DLC1: variants seen among roughly 807,000 people sequenced by gnomAD.
The protein encoded by DLC1 is rho GTPase-activating protein 7.
A neutral mutation model predicts 140.3 loss-of-function variants in DLC1; 54 were observed. That is an observed-to-expected ratio of 0.38 (90% CI 0.31 to 0.48). DLC1 has a LOEUF of 0.48. DLC1 is among the 20% of genes least tolerant of loss of function. The pLI, the probability that DLC1 is intolerant of heterozygous loss-of-function variation, is 0.96. For synonymous variants in DLC1, 986 were observed against 728.1 expected (o/e 1.35, Z -5.70); for missense variants, 2,536 against 1,907.0 (o/e 1.33, Z -6.14).
chr8:13,355,240 C>T (rs983336185), intron 4 of DLC1, among the ~76,000 whole-genome samples: 1 of 152,068 alleles, frequency 6.6e-6, no homozygotes, highest in Non-Finnish European at 1.5e-5. Flanking sequence ...AATCCCAACA[C>T]CTAGGGGGGC....
At chr8:13,148,775 T>C (rs995564459) in intron 5 of DLC1, among the ~76,000 whole-genome samples, 3 of 152,104 alleles carry the variant, frequency 2.0e-5, no homozygotes, top group Non-Finnish European at 4.4e-5. Flanking sequence ...AGCTGGCCAG[T>C]AATGAGGTGA....
At chr8:13,145,460 GA>G (rs972908975) in intron 5 of DLC1, among the ~76,000 whole-genome samples, 51 of 152,232 alleles carry the variant, frequency 3.4e-4, no homozygotes, top group African/African-American at 1.2e-3. Context: ...AACTTCTTAA[GA>G]AAAATTTTAC....
intron 1 of DLC1, among the ~76,000 whole-genome samples, chr8:13,538,820 GC>G (rs1459511278): frequency 1.3e-5 from 2 of 152,180 alleles, no homozygotes; most frequent in African/African-American, 4.8e-5. Context: ...CTGTATGTGA[GC>G]AAAATATTGC....
intron 5 of DLC1, among the ~76,000 whole-genome samples, chr8:13,145,229 A>G (rs1004900854): frequency 3.9e-5 from 6 of 152,160 alleles, no homozygotes; most frequent in African/African-American, 1.4e-4. Flanking sequence ...TTAGCAAAGA[A>G]GAAAGTCTAA....
intron 5 of DLC1, among the ~76,000 whole-genome samples, chr8:13,207,272 C>T (rs1177315961): frequency 6.6e-6 from 1 of 152,080 alleles, no homozygotes; most frequent in Non-Finnish European, 1.5e-5. Flanking sequence ...TTCAAGACAT[C>T]AAGGCATATA....
chr8:13,598,538 A>G (rs926618793), intron 1 of DLC1, among the ~76,000 whole-genome samples: 1 of 152,066 alleles, frequency 6.6e-6, no homozygotes, highest in African/African-American at 2.4e-5. Context: ...GTAATCTATT[A>G]CTCTTATGAT....
chr8:13,091,068 A>G (rs1198767928), intron 14 of DLC1, among the ~76,000 whole-genome samples: 1 of 152,124 alleles, frequency 6.6e-6, no homozygotes, highest in Non-Finnish European at 1.5e-5. Context: ...TCAGCCTCCC[A>G]AAGTGTTAGA....
intron 1 of DLC1, among the ~76,000 whole-genome samples, chr8:13,553,796 A>C (rs1803947955): frequency 6.6e-6 from 1 of 152,166 alleles, no homozygotes; most frequent in Non-Finnish European, 1.5e-5. Flanking sequence ...ATTCTTGTCA[A>C]GGTCACCCAA....
Position 13,378,179 on chromosome 8 carries a change from G to C in DLC1, c.1314+15374C>G, listed in dbSNP as rs137994600. On this transcript the variant is annotated intron_variant, in intron 4 of 17. Coordinates refer to ENST00000276297, the MANE Select transcript of DLC1 (RefSeq NM_182643.3). The stretch of plus-strand genomic sequence containing the variant: ...TGTGCCATGCATATGTAACAAACCT[G>C]CACATTGTGCACATGTACCCTAAAA... 8.0e-3 allele frequency among the ~76,000 whole-genome samples: 1,120 copies of C among 140,792 alleles called. 11 individuals carry two copies. The highest frequency in any genetic ancestry group is 0.012 in the Non-Finnish European group (750 of 64,076). 92.4% of individuals were successfully genotyped at this position (140,792 alleles called of 152,430 possible). A position where few individuals can be genotyped will look rare whatever the true frequency, so the allele number is the denominator to read the frequency against.
chr8:13,561,289 C>G (rs1469686438), intron 1 of DLC1, among the ~76,000 whole-genome samples: 1 of 151,918 alleles, frequency 6.6e-6, no homozygotes, highest in Non-Finnish European at 1.5e-5. Flanking sequence ...GCAACTACAG[C>G]CATGCAACTA....
At chr8:13,266,571 C>A (rs2117357832) in intron 5 of DLC1, among the ~76,000 whole-genome samples, 1 of 151,980 alleles carries the variant, frequency 6.6e-6, no homozygotes, top group East Asian at 1.9e-4. Flanking sequence ...ATGGTGAAAC[C>A]CCATCTCTAC....
chr8:13,261,033 G>A (rs1830451497), intron 5 of DLC1, among the ~76,000 whole-genome samples: 1 of 152,186 alleles, frequency 6.6e-6, no homozygotes, highest in Admixed American at 6.5e-5. Context: ...AAAGACTAAT[G>A]TGTCAGGCAC....
At chr8:13,532,147 G>GT (rs906192464) in intron 1 of DLC1, among the ~76,000 whole-genome samples, 3 of 152,182 alleles carry the variant, frequency 2.0e-5, no homozygotes, top group Admixed American at 1.3e-4. Context: ...GCTCATGCCT[G>GT]TAATTCCAAG....
intron 1 of DLC1, among the ~76,000 whole-genome samples, chr8:13,545,345 A>G (rs1277702605): frequency 2.6e-5 from 4 of 151,072 alleles, no homozygotes; most frequent in Admixed American, 2.0e-4. Context: ...TAAATATAAT[A>G]TAAAGTAAAG....
intron 5 of DLC1, among the ~76,000 whole-genome samples, chr8:13,189,984 G>A (rs965789871): frequency 6.6e-6 from 1 of 152,140 alleles, no homozygotes; most frequent in Non-Finnish European, 1.5e-5. Context: ...AGGTTTAGAA[G>A]GATCCAAAAG....
At chr8:13,100,903 A>ATTTTT in intron 8 of DLC1, 133 bp from the exon 9 acceptor site, 2 of 762,478 alleles carry the variant, frequency 2.6e-6, no homozygotes, top group Non-Finnish European at 3.6e-6. Context: ...TTAATTTTAA[A>ATTTTT]GTTTTTTTTT....
At chr8:13,172,740 A>C (rs866479837) in intron 5 of DLC1, among the ~76,000 whole-genome samples, 23 of 152,222 alleles carry the variant, frequency 1.5e-4, no homozygotes, top group Admixed American at 3.9e-4. Context: ...TCGATTCCTC[A>C]GTAGCTTCGC....
intron 5 of DLC1, among the ~76,000 whole-genome samples, chr8:13,294,082 G>A (rs899116616): frequency 1.3e-5 from 2 of 152,012 alleles, no homozygotes; most frequent in South Asian, 2.1e-4. Flanking sequence ...TTCACTATGC[G>A]GAAAACCCCC....
rs1159760471 is a variant in DLC1, at chr8:13,313,867, G to C, written c.1315-8565C>G. ...AATCCTTCTTCCTCACCTTTAATTTGAGGTTTGTCACCCCAAACTAGCTAT... is the reference window on the plus strand; with the variant it reads ...AATCCTTCTTCCTCACCTTTAATTTCAGGTTTGTCACCCCAAACTAGCTAT... On this transcript the variant is annotated intron_variant, in intron 4 of 17. Transcript: ENST00000276297. Among the ~76,000 whole-genome samples the C allele has an allele frequency of 4.0e-5, 6 of 151,058 alleles. No homozygotes were observed. In the East Asian group the frequency reaches 1.2e-3, roughly 29 times the overall value.
Sources: allele counts gnomAD v4.1 joint callset (sites outside exome capture counted in the v4.1 genomes callset), GRCh38; gene constraint gnomAD v4.1.1; transcripts MANE v1.5; gene names NCBI Gene and HGNC (gene_info 2026-07-23, HGNC 2026-07-21).